The following MUC22 variants were observed in gnomAD, a reference collection of about 807,000 sequenced individuals.
The protein encoded by MUC22 is mucin-22.
A neutral mutation model predicts 40.3 loss-of-function variants in MUC22; 24 were observed. The ratio of observed to expected loss-of-function variants is 0.60; its 90% CI spans 0.43 to 0.84. MUC22 has a LOEUF of 0.84. MUC22 is among the 40% of genes least tolerant of loss of function. The pLI is 0.00. For synonymous variants in MUC22, 765 were observed against 844.5 expected (o/e 0.91, Z 1.63); for missense variants, 1,926 against 2,130.7 (o/e 0.90, Z 1.89).
exon 4 of MUC22, chr6:31,035,146 A>C: frequency 1.7e-6 from 1 of 576,398 alleles, no homozygotes; most frequent in South Asian, 2.8e-5. Flanking sequence ...CTAGGTCAAG[A>C]AAAGAACCAG....
intron 1 of MUC22, among the ~76,000 whole-genome samples, chr6:31,019,232 C>T (rs191213765): frequency 2.0e-5 from 3 of 152,334 alleles, no homozygotes; most frequent in Non-Finnish European, 4.4e-5. Context: ...GACTTCTTTT[C>T]GTGTCATCCA....
intron 1 of MUC22, among the ~76,000 whole-genome samples, chr6:31,022,986 T>G (rs573744686): frequency 6.6e-6 from 1 of 151,766 alleles, no homozygotes; most frequent in East Asian, 1.9e-4. Flanking sequence ...AAAAATTAGC[T>G]GGGCGTGGTG....
chr6:31,017,919 G>T (rs898358362), intron 1 of MUC22, among the ~76,000 whole-genome samples: 3 of 152,184 alleles, frequency 2.0e-5, no homozygotes, highest in South Asian at 2.1e-4. Context: ...CTCACTCTTT[G>T]AGTCCACACT....
chr6:31,027,881 C>T lies in MUC22; in HGVS notation c.2450C>T (p.Thr817Ile). 2.0e-6 allele frequency: 3 copies of T among 1,534,878 alleles called. 1 individual carries two copies. The highest frequency in any genetic ancestry group is 2.6e-6 in the Non-Finnish European group (3 of 1,146,690). Residue 817 changes from threonine to isoleucine, a missense_variant, in exon 2 of 4, where the codon ACA becomes ATA. Physicochemically the swap from Thr to Ile is moderately conservative, Grantham distance 89. This residue lies in a region of MUC22 where 1,281 missense variants were observed against 1,337.8 expected (regional missense o/e 0.96). Coordinates refer to ENST00000561890, the Ensembl canonical transcript of MUC22. ...TCCACTGAAGGCTCTGAGATGACTA[C>T]AGTCTCCACCACAGGTGCTGAGACC...
At chr6:31,028,883 A>T in exon 2 of MUC22, 1 of 1,511,860 alleles carries the variant, frequency 6.6e-7, no homozygotes, top group Middle Eastern at 1.7e-4. Context: ...ACCTCTACTG[A>T]AGGCTCTGAG....
exon 2 of MUC22, chr6:31,028,851 T>A (rs1765710216): frequency 1.3e-6 from 2 of 1,530,818 alleles, no homozygotes; most frequent in Non-Finnish European, 1.7e-6. Context: ...CAGCCTCTAC[T>A]GAAGGCTCTG....
chr6:31,019,263 C>G (rs906318498), intron 1 of MUC22, among the ~76,000 whole-genome samples: 1 of 152,246 alleles, frequency 6.6e-6, no homozygotes, highest in Non-Finnish European at 1.5e-5. Flanking sequence ...CCTTTCAACA[C>G]TTCCTATTGG....
intron 1 of MUC22, among the ~76,000 whole-genome samples, chr6:31,022,288 G>T (rs1019411259): frequency 1.3e-5 from 2 of 152,134 alleles, no homozygotes; most frequent in African/African-American, 2.4e-5. Flanking sequence ...TTCTCGAGTA[G>T]CTGGGATTAC....
Position 31,010,843 on chromosome 6 carries a change from G to A in MUC22, c.70+67G>A, listed in dbSNP as rs1407733898. The A allele has an allele frequency of 4.3e-6, 3 of 695,166 alleles. No individual in the cohort carries two copies. In the African/African-American group the frequency reaches 5.3e-5, roughly 12 times the overall value. 43.1% of individuals were successfully genotyped at this position (695,166 alleles called of 1,614,324 possible). On this transcript the variant is annotated intron_variant, in intron 1 of 3. Transcript: ENST00000561890. ...CCACATAAGCCCTGAAGGAGATGGG[G>A]AATCCCCTGCCCAGGCATGACTCTT...
chr6:31,027,911 C>G, exon 2 of MUC22: 2 of 1,535,082 alleles, frequency 1.3e-6, no homozygotes, highest in Non-Finnish European at 1.7e-6. Context: ...GAGACCACCA[C>G]AGACTCTACT....
chr6:31,010,854 C>G, intron 1 of MUC22, 78 bp downstream of exon 1: 1 of 671,614 alleles, frequency 1.5e-6, no homozygotes, highest in Middle Eastern at 3.0e-4. Flanking sequence ...AATCCCCTGC[C>G]CAGGCATGAC....
rs545672325 is a variant in MUC22, at chr6:31,021,980, C to CA, written c.71-3522_71-3521insA. Reference sequence around the variant, plus strand: ...AAGGTCTGCAGCTTCACTCCTGAAGCCAGCGAGCCCACGAGCCCACTGAGA... The same window carrying CA: ...AAGGTCTGCAGCTTCACTCCTGAAGCACAGCGAGCCCACGAGCCCACTGAGA... On this transcript the variant is annotated intron_variant, in intron 1 of 3. Coordinates refer to ENST00000561890, the Ensembl canonical transcript of MUC22. 1.1e-3 allele frequency among the ~76,000 whole-genome samples: 163 copies of CA among 152,210 alleles called. 6 individuals carry two copies. In the South Asian group the frequency reaches 0.031, roughly 29 times the overall value.
chr6:31,027,022 A>G, exon 2 of MUC22: 1 of 1,504,654 alleles, frequency 6.6e-7, no homozygotes, highest in East Asian at 2.5e-5. Context: ...AGCCTCTACT[A>G]CAGGGTTTGA....
exon 4 of MUC22, chr6:31,034,860 C>T: frequency 6.5e-7 from 1 of 1,535,412 alleles, no homozygotes; most frequent in Non-Finnish European, 8.7e-7. Flanking sequence ...ATGGAGTGGG[C>T]CATGGACTGA....
intron 3 of MUC22, among the ~76,000 whole-genome samples, chr6:31,034,286 G>A (rs1048341702): frequency 1.3e-5 from 2 of 152,188 alleles, no homozygotes; most frequent in African/African-American, 4.8e-5. Flanking sequence ...TACCTGTTCT[G>A]AGCTTTCTTA....
At chr6:31,008,162 T>C (rs576593417), upstream of MUC22, among the ~76,000 whole-genome samples, 138 of 152,374 alleles carry the variant, frequency 9.1e-4, no homozygotes, top group Middle Eastern at 3.4e-3. Flanking sequence ...GCACAGGCTC[T>C]GCAGCTGGAC....
exon 2 of MUC22, chr6:31,025,760 C>T: frequency 1.3e-6 from 2 of 1,531,464 alleles, no homozygotes; most frequent in Non-Finnish European, 1.7e-6. Flanking sequence ...TCCACTAGGA[C>T]CTTCACCACA....
At chr6:31,021,319 C>T (rs1233755776) in intron 1 of MUC22, among the ~76,000 whole-genome samples, 1 of 152,018 alleles carries the variant, frequency 6.6e-6, no homozygotes, top group Non-Finnish European at 1.5e-5. Flanking sequence ...CTGGTAGGGC[C>T]TTGGAGAACC....
In MUC22 at chr6:31,025,942, A is replaced by G. The variant is rs72502536; in HGVS notation, c.511A>G (p.Ile171Val). The G allele has an allele frequency of 6.1e-3, 9,421 of 1,534,378 alleles. 256 individuals are homozygous for G. Among genetic ancestry groups the G allele is most frequent in the South Asian group, 0.045 (3,793 of 83,968 alleles). ...CTCTGAGAAAACGATGGCCTCCTCC[A>G]TAATTTCTGAGACCACCATGGCCTC... is the stretch of plus-strand genomic sequence containing the variant. Residue 171 changes from isoleucine (I) to valine (V), a missense_variant, in exon 2 of 4, where the codon ATA (isoleucine) becomes GTA (valine). Coordinates refer to ENST00000561890, the Ensembl canonical transcript of MUC22.
Sources: allele counts gnomAD v4.1 joint callset (sites outside exome capture counted in the v4.1 genomes callset), GRCh38; gene constraint gnomAD v4.1.1; regional missense constraint gnomAD v4.1.1; transcripts MANE v1.5; gene names NCBI Gene and HGNC (gene_info 2026-07-23, HGNC 2026-07-21).